LRRK1: variants seen among roughly 807,000 people sequenced by gnomAD.
LRRK1 encodes leucine rich repeat kinase 1, also known as leucine-rich repeat serine/threonine-protein kinase 1.
In LRRK1, 113 loss-of-function variants were observed where a neutral mutation model predicts 209.1. That is an observed-to-expected ratio of 0.54 (90% CI 0.46 to 0.63). The LOEUF (loss-of-function observed/expected upper bound fraction) is 0.63, where lower values mean the gene tolerates loss of function less well. Ranked by LOEUF, LRRK1 falls within the 30% of genes least tolerant of loss-of-function variation. The pLI, the probability that LRRK1 is intolerant of heterozygous loss-of-function variation, is 0.00. For synonymous variants in LRRK1, 1,144 were observed against 1,099.7 expected, an observed-to-expected ratio of 1.04 and a Z score of -0.80; for missense variants, 2,284 against 2,632.2, an observed-to-expected ratio of 0.87 and a Z score of 2.89.
At chr15:100,962,812 T>TATATACAC (rs2030114871) in intron 2 of LRRK1, among the ~76,000 whole-genome samples, 2 of 31,666 alleles carry the variant, frequency 6.3e-5, no homozygotes, top group African/African-American at 1.0e-4. Context: ...TATATATATA[T>TATATACAC]ATATATATAT....
intron 2 of LRRK1, among the ~76,000 whole-genome samples, chr15:100,932,971 A>T (rs2042236723): frequency 6.6e-6 from 1 of 152,038 alleles, no homozygotes; most frequent in Non-Finnish European, 1.5e-5. Flanking sequence ...AGCCCTGGAG[A>T]TGAGAATCAC....
chr15:101,055,278 G>A, intron 27 of LRRK1, 55 bp downstream of exon 27: 2 of 1,474,470 alleles, frequency 1.4e-6, no homozygotes, highest in South Asian at 1.5e-5. Flanking sequence ...CAGCCCTCAG[G>A]CTAGCCGGGC....
chr15:101,027,412 G>A lies in LRRK1; in HGVS notation c.2526+31G>A, dbSNP rs1478760795. 6.9e-6 allele frequency: 11 copies of A among 1,604,902 alleles called. No homozygotes were observed. The highest frequency in any genetic ancestry group is 1.7e-4 in the Middle Eastern group (1 of 5,756). On this transcript the variant is annotated intron_variant, in intron 18 of 33. Coordinates refer to ENST00000388948, the MANE Select transcript of LRRK1 (RefSeq NM_024652.6). This position sits in a 1 kb window ranked among gnomAD's most constrained non-coding sequence, Gnocchi z 5.1. ...TACCTTGCTGGTCCAGTTTAAACCA[G>A]TCTGCCTGCTTCCCATTGTTGGGGG...
chr15:100,963,845 A>G (rs950404692), intron 2 of LRRK1, among the ~76,000 whole-genome samples: 2 of 152,226 alleles, frequency 1.3e-5, no homozygotes, highest in African/African-American at 2.4e-5. Context: ...AAGGAATGTT[A>G]TAAGCCTTTC....
intron 2 of LRRK1, among the ~76,000 whole-genome samples, chr15:100,950,366 A>G (rs1198822611): frequency 6.6e-6 from 1 of 152,252 alleles, no homozygotes; most frequent in Non-Finnish European, 1.5e-5. Flanking sequence ...ATGAAAAAAC[A>G]TTCTGTATTC....
rs569666360 is a variant in LRRK1 at position 101,017,211 on chromosome 15, GGGATGA to G, written c.1609+1811_1609+1816del. On this transcript the variant is annotated intron_variant, in intron 12 of 33. Coordinates refer to ENST00000388948, the MANE Select transcript of LRRK1 (RefSeq NM_024652.6). ...TGGCAAGTACAGATAGTATGAGGTA[GGGATGA>G]GTGACGCCACAGAGGCCAGGACACA... 4.9e-3 allele frequency among the ~76,000 whole-genome samples: 748 copies of G among 152,306 alleles called. 5 individuals carry two copies. Among genetic ancestry groups the G allele is most frequent in the African/African-American group, 0.017 (723 of 41,558 alleles).
chr15:100,926,672 CTTTTTTTCTTTTTT>C (rs1567182461), intron 2 of LRRK1, among the ~76,000 whole-genome samples: 9 of 128,714 alleles, frequency 7.0e-5, no homozygotes, highest in African/African-American at 2.4e-4. Flanking sequence ...TTTTTCTTTT[CTTTTTTTCTTTTTT>C]TTTTTTTTTT....
intron 20 of LRRK1, among the ~76,000 whole-genome samples, 178 bp from the exon 21 acceptor site, chr15:101,045,803 C>T (rs1485578031): frequency 6.6e-6 from 1 of 152,196 alleles, no homozygotes; most frequent in African/African-American, 2.4e-5. Context: ...TTATTCTTAG[C>T]ATATAAACCA....
In LRRK1 at chr15:100,919,873, G is replaced by A. The variant is rs967719414; in HGVS notation, c.-123+422G>A. Among the ~76,000 whole-genome samples the A allele has an allele frequency of 6.6e-6, 1 of 152,040 alleles. No individual in the cohort carries two copies. Among genetic ancestry groups the A allele is most frequent in the African/African-American group, 2.4e-5 (1 of 41,390 alleles). On this transcript the variant is annotated intron_variant, in intron 1 of 33. Coordinates refer to ENST00000388948, the MANE Select transcript of LRRK1 (RefSeq NM_024652.6). The surrounding 1 kb of genome is among the most constrained non-coding windows in gnomAD (Gnocchi z 5.8). ...TTTGGAGCGAACCCAGTCCCTTAGC[G>A]GGGAGCGGGCGGAGTGTGAGCGCGC... is the stretch of plus-strand genomic sequence containing the variant.
At chr15:101,050,539 C>G (rs1220278477) in intron 23 of LRRK1, among the ~76,000 whole-genome samples, 2 of 152,178 alleles carry the variant, frequency 1.3e-5, no homozygotes, top group Non-Finnish European at 2.9e-5. Context: ...CCCCTGAACG[C>G]TGGAGGCCAA....
intron 2 of LRRK1, among the ~76,000 whole-genome samples, chr15:100,946,954 TTTTC>T (rs1339133252): frequency 1.3e-5 from 2 of 152,168 alleles, no homozygotes; most frequent in Non-Finnish European, 1.5e-5. Context: ...AACATTCCAA[TTTTC>T]TTTCTTTCTT....
rs62021239 is a variant in LRRK1 at position 101,069,009 on chromosome 15, G to A, written c.*161G>A. The A allele has an allele frequency of 0.02, 12,749 of 645,036 alleles. 201 individuals are homozygous for A. The highest frequency in any genetic ancestry group is 0.022 in the Middle Eastern group (48 of 2,198). 40.0% of individuals were successfully genotyped at this position (645,036 alleles called of 1,614,324 possible). A position where few individuals can be genotyped will look rare whatever the true frequency, so the allele number is the denominator to read the frequency against. ...AGTGCTGAGAAGTTACTCGCCTGGC[G>A]GTGGCTCCAGGGTTCTCTGGTTCTC... On this transcript the variant is annotated 3_prime_UTR_variant, in exon 34 of 34. Transcript: ENST00000388948.
chr15:100,975,995 G>T (rs2031271806), intron 3 of LRRK1, among the ~76,000 whole-genome samples: 1 of 151,960 alleles, frequency 6.6e-6, no homozygotes, highest in Admixed American at 6.6e-5. Context: ...ATATAAAAGA[G>T]AACTTCATGA....
chr15:101,027,861 C>T lies in LRRK1; in HGVS notation c.2686+64C>T. 1 of 1,441,528 alleles carries T rather than the reference C, an allele frequency of 6.9e-7. No individual in the cohort carries two copies. The highest frequency in any genetic ancestry group is 9.3e-7 in the Non-Finnish European group (1 of 1,070,828). The allele number at this position is 1,441,528 out of a possible 1,614,324, so 89.3% of individuals were successfully genotyped here. ...AAATGGAACTGTCTGTACTTGCTAA[C>T]TTCAGCTTGGCCTCAGTAATGAATG... On this transcript the variant is annotated intron_variant, in intron 19 of 33. Coordinates refer to ENST00000388948, the MANE Select transcript of LRRK1 (RefSeq NM_024652.6). This position sits in a 1 kb window ranked among gnomAD's most constrained non-coding sequence, Gnocchi z 5.1.
In LRRK1 at chr15:101,061,188, A is replaced by G; in HGVS notation, c.4697A>G (p.Asn1566Ser). 1.2e-6 allele frequency: 2 copies of G among 1,613,978 alleles called. No individual in the cohort carries two copies. The highest frequency in any genetic ancestry group is 1.7e-6 in the Non-Finnish European group (2 of 1,179,860). The change falls in exon 30 of 34, where the codon AAC becomes AGC. Residue 1566 changes from asparagine to serine, a missense_variant. Coordinates refer to ENST00000388948, the MANE Select transcript of LRRK1 (RefSeq NM_024652.6). ...ACTTACAGGAACTACACGGTGGTGA[A>G]CACAGAGAAGGGCCTCATGGAGGTG... Reference protein sequence around the residue: ...KEESRNYTVVNTEKGLMEVQR... With the variant: ...KEESRNYTVVSTEKGLMEVQR...
At chr15:100,994,378 T>C (rs1409164848) in intron 6 of LRRK1, among the ~76,000 whole-genome samples, 2 of 152,190 alleles carry the variant, frequency 1.3e-5, no homozygotes, top group African/African-American at 2.4e-5. Context: ...TAAATCTGAA[T>C]CTGTAGCGTG....
intron 2 of LRRK1, among the ~76,000 whole-genome samples, chr15:100,950,480 T>A (rs1555459855): frequency 6.6e-6 from 1 of 152,178 alleles, no homozygotes; most frequent in Non-Finnish European, 1.5e-5. Context: ...CTTACAAAAA[T>A]GGCAAGATGA....
intron 6 of LRRK1, among the ~76,000 whole-genome samples, chr15:101,002,141 A>C (rs1159197900): frequency 2.6e-5 from 4 of 152,224 alleles, no homozygotes; most frequent in Non-Finnish European, 4.4e-5. Context: ...CACTGATATA[A>C]AAACATAAGA....
At position 100,989,534 on chromosome 15, in the gene LRRK1, T is replaced by C. The variant is rs113165841; in HGVS notation, c.762+136T>C. 7.0e-3 allele frequency: 6,060 copies of C among 870,218 alleles called. 32 individuals are homozygous for C. The highest frequency in any genetic ancestry group is 9.1e-3 in the Non-Finnish European group (5,107 of 561,972). 53.9% of individuals were successfully genotyped at this position (870,218 alleles called of 1,614,324 possible). Reference sequence around the variant, plus strand: ...CTGGAGATTGAGAAGTCCAAGAGCATAGTGCTGGTATCTGGTGAGGGCCTT... The same window carrying C: ...CTGGAGATTGAGAAGTCCAAGAGCACAGTGCTGGTATCTGGTGAGGGCCTT... On this transcript the variant is annotated intron_variant, in intron 6 of 33. Coordinates refer to ENST00000388948, the MANE Select transcript of LRRK1 (RefSeq NM_024652.6).
Sources: gnomAD v4.1 joint callset for allele counts (sites outside exome capture counted in the v4.1 genomes callset) on GRCh38, gnomAD v4.1.1 for gene constraint, Gnocchi (gnomAD v3.1) non-coding constraint, MANE v1.5 for transcripts, NCBI Gene and HGNC (gene_info 2026-07-23, HGNC 2026-07-21) for gene names.